ACVR2A: variants seen among roughly 807,000 people sequenced by gnomAD.
ACVR2A encodes the protein activin receptor type-2A.
A neutral mutation model predicts 61.4 loss-of-function variants in ACVR2A; 7 were observed. That is an observed-to-expected ratio of 0.11 (90% confidence interval 0.06 to 0.21). ACVR2A has a LOEUF of 0.21. ACVR2A is among the 10% of genes least tolerant of loss of function. The probability of loss-of-function intolerance (pLI) is 1.00; values close to 1 mark genes in which losing one functional copy is unlikely to be tolerated. For missense variants in ACVR2A, 322 were observed against 621.7 expected (o/e 0.52, Z 5.13); for synonymous variants, 193 against 208.3 (o/e 0.93, Z 0.63).
At chr2:147,848,893 C>G (rs1367243498) in intron 1 of ACVR2A, among the ~76,000 whole-genome samples, 1 of 152,130 alleles carries the variant, frequency 6.6e-6, no homozygotes, top group African/African-American at 2.4e-5. Flanking sequence ...GCTCTGCTCT[C>G]TTCCCCCTAA....
chr2:147,899,527 T>C lies in ACVR2A; in HGVS notation c.333T>C (p.Asn111=), dbSNP rs780446170. ...GTTGCTGTGAGGGCAATATGTGTAATGAAAAGTTTTCTTATTTTCCGGAGA... is the reference window on the plus strand; with the variant it reads ...GTTGCTGTGAGGGCAATATGTGTAACGAAAAGTTTTCTTATTTTCCGGAGA... ...YFCCCEGNMC[N]EKFSYFPEME... is the part of the protein sequence containing the mutation. Residue 111 remains asparagine (N), a synonymous_variant, in exon 3 of 11, where the codon AAT becomes AAC. Transcript: ENST00000241416. The C allele has an allele frequency of 3.1e-6, 5 of 1,613,362 alleles. No individual in the cohort carries two copies. The highest frequency in any genetic ancestry group is 4.2e-6 in the Non-Finnish European group (5 of 1,179,602).
At chr2:147,845,242 CCTGCGGCCGCGGCGGCCG>C (rs1553483254) in intron 1 of ACVR2A, 35 bp downstream of exon 1, 1 of 1,600,612 alleles carries the variant, frequency 6.2e-7, no homozygotes, top group Non-Finnish European at 8.5e-7. Flanking sequence ...TGGGGCTGCT[CCTGCGGCCGCGGCGGCCG>C]CTGCTGGGGG....
intron 1 of ACVR2A, among the ~76,000 whole-genome samples, chr2:147,873,328 T>C (rs900714758): frequency 4.6e-5 from 7 of 152,004 alleles, no homozygotes; most frequent in African/African-American, 1.7e-4. Flanking sequence ...TTTAGTAATG[T>C]ATTTTATTCA....
chr2:147,928,033 T>G lies in ACVR2A; in HGVS notation c.*759T>G, dbSNP rs1466372988. On this transcript the variant is annotated 3_prime_UTR_variant, in exon 11 of 11. Transcript: ENST00000241416. The stretch of plus-strand genomic sequence containing the variant: ...ATTCGTAAAGCAGTGTTTTAGCATT[T>G]CTTGTGCTGGCTTGTAATGTAGGGA... 4 of 152,408 alleles carry G rather than the reference T, an allele frequency of 2.6e-5. No individual in the cohort carries two copies. The highest frequency in any genetic ancestry group is 9.7e-5 in the African/African-American group (4 of 41,420). The allele number at this position is 152,408 out of a possible 1,614,324, so 9.4% of individuals were successfully genotyped here. A position where few individuals can be genotyped will look rare whatever the true frequency, so the allele number is the denominator to read the frequency against.
chr2:147,856,037 T>C (rs1377781317), intron 1 of ACVR2A, among the ~76,000 whole-genome samples: 12 of 152,314 alleles, frequency 7.9e-5, no homozygotes, highest in African/African-American at 2.9e-4. Flanking sequence ...TGATATCTTT[T>C]CAGGTTATCA....
In ACVR2A at chr2:147,855,993, C is replaced by T. The variant is rs577057545; in HGVS notation, c.55+10786C>T. 2.4e-3 allele frequency among the ~76,000 whole-genome samples: 367 copies of T among 152,144 alleles called. 1 individual carries two copies. The highest frequency in any genetic ancestry group is 0.011 in the South Asian group (52 of 4,818). ...ATGGTTGAAGATTCAGAAGTAGAAA[C>T]TCAGTGTATTTTATATCTTAATTCT... On this transcript the variant is annotated intron_variant, in intron 1 of 10. Coordinates refer to ENST00000241416, the MANE Select transcript of ACVR2A (RefSeq NM_001616.5).
At chr2:147,874,098 C>T (rs148277097) in intron 1 of ACVR2A, among the ~76,000 whole-genome samples, 1 of 152,038 alleles carries the variant, frequency 6.6e-6, no homozygotes, top group Non-Finnish European at 1.5e-5. Flanking sequence ...AGGCAGAATA[C>T]TATATCAGAA....
chr2:147,871,207 T>A (rs951552538), intron 1 of ACVR2A, among the ~76,000 whole-genome samples: 12 of 152,238 alleles, frequency 7.9e-5, no homozygotes, highest in Admixed American at 7.9e-4. Context: ...GTCCTCTGGT[T>A]CTCAGACTTG....
In ACVR2A at chr2:147,928,879, G is replaced by T. The variant is rs1399344244; in HGVS notation, c.*1605G>T. On this transcript the variant is annotated 3_prime_UTR_variant, in exon 11 of 11. Transcript: ENST00000241416. ...ATCAACAAATAGCCAGTATTATGCT[G>T]TGTATTTCTGTCAGGTCATTTTAAA... The T allele has an allele frequency of 6.6e-6, 1 of 152,358 alleles. No individual in the cohort carries two copies. 9.4% of individuals were successfully genotyped at this position (152,358 alleles called of 1,614,324 possible).
At chr2:147,887,390 G>T (rs1306206015) in intron 1 of ACVR2A, among the ~76,000 whole-genome samples, 2 of 152,112 alleles carry the variant, frequency 1.3e-5, no homozygotes, top group Non-Finnish European at 1.5e-5. Flanking sequence ...TGCCTTCTGA[G>T]TTTCAAGAAT....
Position 147,899,895 on chromosome 2 carries a change from T to C in ACVR2A, c.525T>C (p.Thr175=), listed in dbSNP as rs778425339. 6.2e-7 allele frequency: 1 copy of C among 1,613,162 alleles called. No homozygotes were observed. Among genetic ancestry groups the C allele is most frequent in the Non-Finnish European group, 8.5e-7 (1 of 1,179,380 alleles). ...KMAYPPVLVP[T]QDPGPPPPSP... Reference sequence around the variant, plus strand: ...CCTACCCTCCTGTACTTGTTCCAACTCAAGTAAGTTATTGTCCTGTACTTT... The same window carrying C: ...CCTACCCTCCTGTACTTGTTCCAACCCAAGTAAGTTATTGTCCTGTACTTT... Residue 175 remains threonine (T), a synonymous_variant, in exon 4 of 11, where the codon ACT becomes ACC. Transcript: ENST00000241416.
rs111930422 is a variant in ACVR2A, at chr2:147,882,969, A to G, written c.56-13332A>G. ...GCCAATGCAGAAATTTTATTTGAAA[A>G]TTTATTCTCTTTCTTCATATATCTA... On this transcript the variant is annotated intron_variant, in intron 1 of 10. Transcript: ENST00000241416. Among the ~76,000 whole-genome samples the G allele has an allele frequency of 2.0e-5, 3 of 152,218 alleles. 1 individual carries two copies. Among genetic ancestry groups the G allele is most frequent in the African/African-American group, 7.2e-5 (3 of 41,546 alleles).
At chr2:147,918,631 A>T in intron 7 of ACVR2A, 39 bp downstream of exon 7, 2 of 1,553,114 alleles carry the variant, frequency 1.3e-6, no homozygotes, top group Non-Finnish European at 1.7e-6. Context: ...ATAATTGAGT[A>T]TATATTTACT....
chr2:147,917,393 G>A lies in ACVR2A; in HGVS notation c.783G>A (p.Val261=). ...GAEKRGTSVD[V]DLWLITAFHE... ...AAAAACGAGGCACCAGTGTTGATGT[G>A]GATCTTTGGCTGATCACAGCATTTC... Residue 261 remains valine (V), a synonymous_variant, in exon 6 of 11, where the codon GTG becomes GTA. Transcript: ENST00000241416. The A allele has an allele frequency of 1.2e-6, 2 of 1,612,056 alleles. No individual in the cohort carries two copies. Among genetic ancestry groups the A allele is most frequent in the South Asian group, 2.2e-5 (2 of 90,932 alleles).
chr2:147,878,339 A>T (rs1257335298), intron 1 of ACVR2A, among the ~76,000 whole-genome samples: 3 of 151,066 alleles, frequency 2.0e-5, no homozygotes, highest in Non-Finnish European at 4.5e-5. Flanking sequence ...TATAGTACTT[A>T]CGTAAGCCAG....
intron 1 of ACVR2A, among the ~76,000 whole-genome samples, chr2:147,858,096 A>G (rs1685632227): frequency 6.6e-6 from 1 of 152,104 alleles, no homozygotes; most frequent in South Asian, 2.1e-4. Context: ...GCTAAGCATA[A>G]TGGCCTTCCA....
At chr2:147,902,194 G>A (rs1686886562) in intron 4 of ACVR2A, among the ~76,000 whole-genome samples, 1 of 151,900 alleles carries the variant, frequency 6.6e-6, no homozygotes, top group Non-Finnish European at 1.5e-5. Context: ...GGCATGGGAT[G>A]TTATGTTTTT....
chr2:147,844,999 C>T (rs1412585995), upstream of ACVR2A: 5 of 127,496 alleles, frequency 3.9e-5, no homozygotes, highest in Non-Finnish European at 6.2e-5. Flanking sequence ...ACCCAGTGAG[C>T]GTTTTTTTTT....
At position 147,927,379 on chromosome 2, in the gene ACVR2A, C is replaced by A; in HGVS notation, c.*105C>A. The A allele has an allele frequency of 8.9e-7, 1 of 1,119,916 alleles. No homozygotes were observed. Among genetic ancestry groups the A allele is most frequent in the Non-Finnish European group, 1.2e-6 (1 of 808,786 alleles). The allele number at this position is 1,119,916 out of a possible 1,614,324, so 69.4% of individuals were successfully genotyped here. ...TTTCTGTGTAAAATGAGTAGGATGT[C>A]TCTTGGAAATGTTAAGAAAGAAGAC... On this transcript the variant is annotated 3_prime_UTR_variant, in exon 11 of 11. Transcript: ENST00000241416.
Sources: allele counts gnomAD v4.1 joint callset (sites outside exome capture counted in the v4.1 genomes callset), GRCh38; gene constraint gnomAD v4.1.1; transcripts MANE v1.5; gene names NCBI Gene and HGNC (gene_info 2026-07-23, HGNC 2026-07-21).